Variants in GRK5 observed in about 807,000 individuals in gnomAD.
GRK5 encodes g protein-coupled receptor kinase GRK5.
Under a neutral mutation model 78.4 loss-of-function variants are expected in GRK5, and 40 were observed. The ratio of observed to expected loss-of-function variants is 0.51; its 90% CI spans 0.40 to 0.66. The LOEUF is 0.66. Ranked by LOEUF, GRK5 falls within the 30% of genes least tolerant of loss-of-function variation. The pLI is 0.00. For synonymous variants in GRK5, 289 were observed against 296.8 expected, an observed-to-expected ratio of 0.97 and a Z score of 0.27; for missense variants, 598 against 759.9, an observed-to-expected ratio of 0.79 and a Z score of 2.50.
chr10:119,321,072 A>G (rs1004968124), intron 1 of GRK5, among the ~76,000 whole-genome samples: 1 of 152,258 alleles, frequency 6.6e-6, no homozygotes, highest in African/African-American at 2.4e-5. Flanking sequence ...GCAGCTTGAG[A>G]GCCAAACATT....
intron 1 of GRK5, among the ~76,000 whole-genome samples, chr10:119,283,642 C>T (rs1399636982): frequency 6.6e-6 from 1 of 152,220 alleles, no homozygotes; most frequent in Non-Finnish European, 1.5e-5. Flanking sequence ...CAGACACCTG[C>T]CCTCTGGGAA....
At chr10:119,209,253 C>G (rs1432890373) in intron 1 of GRK5, among the ~76,000 whole-genome samples, 1 of 152,118 alleles carries the variant, frequency 6.6e-6, no homozygotes, top group African/African-American at 2.4e-5. Flanking sequence ...GCAACTCAAC[C>G]CGGCATTCGT....
chr10:119,332,456 A>G (rs952025781), intron 2 of GRK5, among the ~76,000 whole-genome samples: 8 of 152,156 alleles, frequency 5.3e-5, no homozygotes, highest in Non-Finnish European at 1.0e-4. Context: ...CTTTTCAGAT[A>G]TCTGCAACAA....
At chr10:119,224,038 G>A (rs1416255524) in intron 1 of GRK5, among the ~76,000 whole-genome samples, 1 of 152,110 alleles carries the variant, frequency 6.6e-6, no homozygotes, top group Non-Finnish European at 1.5e-5. Context: ...GCACTCACCT[G>A]TAGTCCCAGC....
chr10:119,207,991 T>A (rs373449275), intron 1 of GRK5, 22 bp downstream of exon 1: 86 of 1,598,492 alleles, frequency 5.4e-5, no homozygotes, highest in Non-Finnish European at 6.7e-5. Flanking sequence ...GGCCGGTACG[T>A]GCCCGGCGCG....
At chr10:119,208,056 C>A in intron 1 of GRK5, 87 bp downstream of exon 1, 1 of 1,287,500 alleles carries the variant, frequency 7.8e-7, no homozygotes, top group South Asian at 1.4e-5. Context: ...GGGCTGCGCC[C>A]GTGCAGGATG....
At chr10:119,346,312 C>T (rs1441369522) in intron 2 of GRK5, among the ~76,000 whole-genome samples, 2 of 152,196 alleles carry the variant, frequency 1.3e-5, no homozygotes, top group East Asian at 1.9e-4. Context: ...GTAGCTCCTC[C>T]CTGGAGCAGG....
intron 2 of GRK5, among the ~76,000 whole-genome samples, chr10:119,362,313 G>T (rs1184840697): frequency 6.6e-6 from 1 of 152,344 alleles, no homozygotes; most frequent in Admixed American, 6.5e-5. Context: ...ATCACCCTTT[G>T]CCTGTGCCTT....
At chr10:119,248,176 C>T (rs79622232) in intron 1 of GRK5, among the ~76,000 whole-genome samples, 3,217 of 152,122 alleles carry the variant, frequency 0.021, 57 homozygotes, top group Admixed American at 0.054. Flanking sequence ...CACACCCAGC[C>T]AATTTTTAAA....
In GRK5 at chr10:119,380,812, C is replaced by T. The variant is rs1179311160; in HGVS notation, c.149-3C>T. On this transcript the variant is annotated splice_polypyrimidine_tract_variant and splice_region_variant and intron_variant, in intron 2 of 15. Coordinates refer to ENST00000392870, the MANE Select transcript of GRK5 (RefSeq NM_005308.3). ...CATCACATTCTTCTTTTCTTGTCTC[C>T]AGACAGAGATTACTGCAGTTTATGT... is the stretch of plus-strand genomic sequence containing the variant. 1 of 1,593,996 alleles carries T rather than the reference C, an allele frequency of 6.3e-7. No homozygotes were observed. Among genetic ancestry groups the T allele is most frequent in the Non-Finnish European group, 8.6e-7 (1 of 1,162,226 alleles).
At chr10:119,408,572 T>C (rs993870793) in intron 4 of GRK5, among the ~76,000 whole-genome samples, 7 of 152,200 alleles carry the variant, frequency 4.6e-5, no homozygotes, top group Non-Finnish European at 1.0e-4. Flanking sequence ...GAAAACATTA[T>C]GTGAACTGAA....
chr10:119,339,186 G>C (rs1013776211), intron 2 of GRK5, among the ~76,000 whole-genome samples: 2 of 152,194 alleles, frequency 1.3e-5, no homozygotes, highest in Admixed American at 6.5e-5. Flanking sequence ...GCAGTCAGCA[G>C]GTGTGAGAAG....
chr10:119,398,370 C>T (rs769964797), intron 4 of GRK5, among the ~76,000 whole-genome samples: 6 of 151,210 alleles, frequency 4.0e-5, no homozygotes, highest in Admixed American at 1.3e-4. Flanking sequence ...TATGGTGTGC[C>T]ACATGCCTCC....
At chr10:119,444,200 G>A (rs765021099) in intron 12 of GRK5, among the ~76,000 whole-genome samples, 5 of 152,248 alleles carry the variant, frequency 3.3e-5, no homozygotes, top group Non-Finnish European at 4.4e-5. Flanking sequence ...TGGGGGCGAC[G>A]ATTTCAGTCT....
intron 1 of GRK5, among the ~76,000 whole-genome samples, chr10:119,240,105 C>T (rs1589696199): frequency 2.0e-5 from 3 of 149,458 alleles, no homozygotes; most frequent in South Asian, 4.3e-4. Context: ...TTGTCTTCCA[C>T]AATGGTAGAA....
chr10:119,252,046 T>A (rs1296381708), intron 1 of GRK5, among the ~76,000 whole-genome samples: 1 of 152,242 alleles, frequency 6.6e-6, no homozygotes, highest in Non-Finnish European at 1.5e-5. Context: ...CAATTCTGGC[T>A]CAGGTGACTG....
chr10:119,401,271 C>T (rs970011051), intron 4 of GRK5, among the ~76,000 whole-genome samples: 1 of 152,232 alleles, frequency 6.6e-6, no homozygotes, highest in Non-Finnish European at 1.5e-5. Context: ...TTCTCCCTCA[C>T]CACGGAGGAC....
At position 119,459,400 on chromosome 10, in the gene GRK5, T is replaced by A. The variant is rs765330436; in HGVS notation, c.*4333T>A. 1 of 148,914 alleles carries A rather than the reference T, an allele frequency of 6.7e-6. No individual in the cohort carries two copies. The highest frequency in any genetic ancestry group is 1.5e-5 in the Non-Finnish European group (1 of 66,326). The allele number at this position is 148,914 out of a possible 1,614,324, so 9.2% of individuals were successfully genotyped here. A position where few individuals can be genotyped will look rare whatever the true frequency, so the allele number is the denominator to read the frequency against. On this transcript the variant is annotated 3_prime_UTR_variant, in exon 16 of 16. Coordinates refer to ENST00000392870, the MANE Select transcript of GRK5 (RefSeq NM_005308.3). ...AGCTCTCCCTGGCAGAGAAAGACAC[T>A]TCCCCCCCAAAGTGGAATTTAGATG...
In GRK5 at chr10:119,428,684, A is replaced by G. The variant is rs137948005; in HGVS notation, c.534-1691A>G. ...CTTTCCTTTTTCTTATCTGCACCAA[A>G]CACATGAAATGGAGAAATTATCCTT... On this transcript the variant is annotated intron_variant, in intron 6 of 15. Transcript: ENST00000392870. Among the ~76,000 whole-genome samples, 442 of 152,106 alleles carry G rather than the reference A, an allele frequency of 2.9e-3. 1 individual carries two copies. The highest frequency in any genetic ancestry group is 0.01 in the African/African-American group (428 of 41,492).
Sources: allele counts gnomAD v4.1 joint callset (sites outside exome capture counted in the v4.1 genomes callset), GRCh38; gene constraint gnomAD v4.1.1; transcripts MANE v1.5; gene names NCBI Gene and HGNC (gene_info 2026-07-23, HGNC 2026-07-21).